Variants in PCDH9 observed in about 807,000 individuals in gnomAD.
PCDH9 encodes protocadherin 9.
PCDH9 carries 24 observed loss-of-function variants against 70.6 expected under a neutral mutation model. The observed-to-expected ratio is 0.34, with a 90% CI of 0.25 to 0.48. The LOEUF (loss-of-function observed/expected upper bound fraction) is 0.48. Ranked by LOEUF, PCDH9 falls within the 20% of genes least tolerant of loss-of-function variation. The probability of loss-of-function intolerance (pLI) is 0.99; values close to 1 mark genes in which losing one functional copy is unlikely to be tolerated. For synonymous variants in PCDH9, 562 were observed against 558.5 expected (o/e 1.01, Z -0.09); for missense variants, 1,281 against 1,503.6 (o/e 0.85, Z 2.45).
chr13:66,634,235 C>A (rs1240892212), intron 3 of PCDH9, among the ~76,000 whole-genome samples: 2 of 152,116 alleles, frequency 1.3e-5, no homozygotes, highest in Non-Finnish European at 2.9e-5. Context: ...ATCTATCAGT[C>A]TGATGGGAGG....
intron 4 of PCDH9, among the ~76,000 whole-genome samples, chr13:66,617,102 G>C (rs529358761): frequency 1.8e-4 from 27 of 152,312 alleles, no homozygotes; most frequent in African/African-American, 6.5e-4. Context: ...GGAACTCCAA[G>C]GCTACTGACA....
intron 3 of PCDH9, among the ~76,000 whole-genome samples, chr13:66,680,334 G>C (rs1241204355): frequency 6.6e-6 from 1 of 151,990 alleles, no homozygotes; most frequent in East Asian, 1.9e-4. Flanking sequence ...AAGAAAGACA[G>C]AGATTAATGG....
At chr13:66,658,448 T>C (rs2077961987) in intron 3 of PCDH9, among the ~76,000 whole-genome samples, 1 of 152,120 alleles carries the variant, frequency 6.6e-6, no homozygotes, top group Non-Finnish European at 1.5e-5. Context: ...CATTTATTGG[T>C]TAATTTACTT....
intron 3 of PCDH9, among the ~76,000 whole-genome samples, chr13:66,772,448 T>C (rs1024457554): frequency 6.6e-5 from 10 of 152,236 alleles, no homozygotes; most frequent in Non-Finnish European, 1.3e-4. Flanking sequence ...TTTTTCTGTT[T>C]AGTAAATTGT....
intron 3 of PCDH9, among the ~76,000 whole-genome samples, chr13:66,670,031 A>G (rs2078150658): frequency 6.6e-6 from 1 of 152,150 alleles, no homozygotes; most frequent in Non-Finnish European, 1.5e-5. Context: ...TGAACACCAT[A>G]TATAAACTAA....
intron 3 of PCDH9, among the ~76,000 whole-genome samples, chr13:66,650,487 T>C (rs1351138001): frequency 6.6e-6 from 1 of 151,886 alleles, no homozygotes; most frequent in Non-Finnish European, 1.5e-5. Flanking sequence ...ACAAATATTA[T>C]TACAGCTAAA....
intron 4 of PCDH9, among the ~76,000 whole-genome samples, chr13:66,604,831 A>G (rs1236547698): frequency 6.6e-6 from 1 of 151,960 alleles, no homozygotes. Flanking sequence ...ACTTTTCCCA[A>G]CGAGATCTCT....
intron 2 of PCDH9, among the ~76,000 whole-genome samples, chr13:67,065,382 C>A (rs2085627130): frequency 6.6e-6 from 1 of 152,198 alleles, no homozygotes; most frequent in Non-Finnish European, 1.5e-5. Context: ...CTTAAAGGTG[C>A]AATTATTCTT....
intron 3 of PCDH9, among the ~76,000 whole-genome samples, chr13:66,851,573 C>CCACACA (rs1394604374): frequency 5.5e-5 from 6 of 108,948 alleles, no homozygotes; most frequent in Non-Finnish European, 1.0e-4. Flanking sequence ...CCCGCATCAC[C>CCACACA]CTCACACACA....
At chr13:67,224,704 A>T (rs935704365) in intron 2 of PCDH9, 9 of 481,006 alleles carry the variant, frequency 1.9e-5, no homozygotes, top group African/African-American at 2.1e-5. Context: ...TTCTTTTTAA[A>T]TCAGTTATAT....
At chr13:66,323,681 G>A (rs1163277617) in intron 4 of PCDH9, 1 of 149,746 alleles carries the variant, frequency 6.7e-6, no homozygotes, top group Admixed American at 6.7e-5. Context: ...GTTTTGCTTT[G>A]GAACTTTTTT....
chr13:66,959,059 C>T (rs1452037359), intron 2 of PCDH9, among the ~76,000 whole-genome samples: 2 of 152,152 alleles, frequency 1.3e-5, no homozygotes, highest in Admixed American at 1.3e-4. Flanking sequence ...ACAGTACATA[C>T]ATTAATGTAA....
chr13:67,156,912 C>CT (rs1298902966), intron 2 of PCDH9, among the ~76,000 whole-genome samples: 2 of 152,308 alleles, frequency 1.3e-5, no homozygotes, highest in Non-Finnish European at 2.9e-5. Context: ...ATCGCATGCC[C>CT]TGCCGGGGGA....
intron 3 of PCDH9, among the ~76,000 whole-genome samples, chr13:66,777,325 C>T (rs1336876136): frequency 6.7e-6 from 1 of 150,292 alleles, no homozygotes; most frequent in Non-Finnish European, 1.5e-5. Flanking sequence ...AAAGAAACTA[C>T]CATCAGAGTG....
At position 66,556,297 on chromosome 13, in the gene PCDH9, C is replaced by T. The variant is rs137944838; in HGVS notation, c.3340+74913G>A. 3.3e-4 allele frequency among the ~76,000 whole-genome samples: 50 copies of T among 152,082 alleles called. 1 individual carries two copies. The highest frequency in any genetic ancestry group is 1.1e-3 in the African/African-American group (44 of 41,486). ...TTATTTTAAAAATCTGTTTGTTTCT[C>T]CCAGAGCATGAGTGTAAGATATGGG... On this transcript the variant is annotated intron_variant, in intron 4 of 4. Transcript: ENST00000377865.
chr13:66,534,023 A>G (rs921016565), intron 4 of PCDH9, among the ~76,000 whole-genome samples: 8 of 152,108 alleles, frequency 5.3e-5, no homozygotes, highest in Admixed American at 5.2e-4. Flanking sequence ...CTTCCTTACC[A>G]TGGCTTTTAG....
chr13:66,526,753 C>A (rs772994501), intron 4 of PCDH9, among the ~76,000 whole-genome samples: 1 of 152,064 alleles, frequency 6.6e-6, no homozygotes, highest in African/African-American at 2.4e-5. Flanking sequence ...TTACTATATT[C>A]CCAGCAAGAA....
At chr13:66,584,998 T>C (rs1373478173) in intron 4 of PCDH9, among the ~76,000 whole-genome samples, 2 of 151,974 alleles carry the variant, frequency 1.3e-5, no homozygotes, top group African/African-American at 2.4e-5. Context: ...TAGAAAGGCA[T>C]ATGATTAGAA....
chr13:66,346,773 C>T (rs1947964411), intron 4 of PCDH9, among the ~76,000 whole-genome samples: 1 of 152,142 alleles, frequency 6.6e-6, no homozygotes, highest in South Asian at 2.1e-4. Flanking sequence ...GGTCAGTTAA[C>T]CTGTGTTGGT....
Sources: gnomAD v4.1 joint callset for allele counts (sites outside exome capture counted in the v4.1 genomes callset) on GRCh38, gnomAD v4.1.1 for gene constraint, MANE v1.5 for transcripts, NCBI Gene and HGNC (gene_info 2026-07-23, HGNC 2026-07-21) for gene names.